Variants in USP53 observed in about 807,000 individuals in gnomAD.
The protein encoded by USP53 is ubiquitin specific peptidase 53, also known as ubiquitin carboxyl-terminal hydrolase 53.
A neutral mutation model predicts 94.9 loss-of-function variants in USP53; 71 were observed. The ratio of observed to expected loss-of-function variants is 0.75; its 90% CI spans 0.62 to 0.91. The LOEUF (loss-of-function observed/expected upper bound fraction) is 0.91, where lower values mean the gene tolerates loss of function less well. Ranked by LOEUF, USP53 falls within the 40% of genes least tolerant of loss-of-function variation. The pLI is 0.00. For missense variants in USP53, 1,173 were observed against 1,281.0 expected (o/e 0.92, Z 1.29); for synonymous variants, 375 against 422.7 (o/e 0.89, Z 1.39).
intron 17 of USP53, among the ~76,000 whole-genome samples, chr4:119,286,194 G>T (rs1380876452): frequency 6.6e-6 from 1 of 151,368 alleles, no homozygotes; most frequent in Non-Finnish European, 1.5e-5. Flanking sequence ...TCATTGATTT[G>T]ATTATTGCTG....
chr4:119,251,578 C>G (rs2149358444), intron 7 of USP53, among the ~76,000 whole-genome samples: 1 of 152,148 alleles, frequency 6.6e-6, no homozygotes, highest in Non-Finnish European at 1.5e-5. Flanking sequence ...TGTTTCTTGA[C>G]TTTTTAATGA....
intron 18 of USP53, among the ~76,000 whole-genome samples, chr4:119,291,702 A>C (rs1007967844): frequency 6.6e-6 from 1 of 152,164 alleles, no homozygotes; most frequent in African/African-American, 2.4e-5. Flanking sequence ...ACCTAAAGAT[A>C]ATCTTGATTA....
intron 3 of USP53, among the ~76,000 whole-genome samples, chr4:119,230,830 G>A (rs1203013976): frequency 1.3e-5 from 2 of 152,152 alleles, no homozygotes; most frequent in African/African-American, 2.4e-5. Flanking sequence ...AGAGTGAGGG[G>A]AACCTGTAGG....
intron 10 of USP53, 117 bp downstream of exon 10, chr4:119,260,042 T>A (rs997976439): frequency 1.1e-5 from 7 of 656,672 alleles, no homozygotes; most frequent in African/African-American, 9.4e-5. Flanking sequence ...TAAGAATTTT[T>A]AAAAAATATT....
chr4:119,222,155 A>G (rs1236777382), intron 3 of USP53, among the ~76,000 whole-genome samples: 4 of 152,212 alleles, frequency 2.6e-5, no homozygotes, highest in East Asian at 1.9e-4. Flanking sequence ...ATAGAATTGT[A>G]TCTTTTTTTA....
At position 119,292,688 on chromosome 4, in the gene USP53, T is replaced by C. The variant is rs1384784673; in HGVS notation, c.2699T>C (p.Ile900Thr). The change falls in exon 19 of 19, where the codon ATA (isoleucine) becomes ACA (threonine). Residue 900 changes from isoleucine (I) to threonine (T), a missense_variant. Ile to Thr is a moderately conservative substitution (Grantham distance 89). Transcript: ENST00000692078. ...YFENSLSTEC[I>T]IRSASRSDGC... Reference sequence around the variant, plus strand: ...GAGAACTCTCTATCCACAGAATGTATAATTCGGTCAGCCAGCAGATCTGAT... The same window carrying C: ...GAGAACTCTCTATCCACAGAATGTACAATTCGGTCAGCCAGCAGATCTGAT... 1 of 1,614,062 alleles carries C rather than the reference T, an allele frequency of 6.2e-7. No homozygotes were observed. Among genetic ancestry groups the C allele is most frequent in the African/African-American group, 1.3e-5 (1 of 75,036 alleles).
At chr4:119,226,110 A>T (rs1745218753) in intron 3 of USP53, among the ~76,000 whole-genome samples, 1 of 152,228 alleles carries the variant, frequency 6.6e-6, no homozygotes, top group South Asian at 2.1e-4. Flanking sequence ...AAATTTTGAC[A>T]AAATTCAACA....
At position 119,271,365 on chromosome 4, in the gene USP53, A is replaced by C; in HGVS notation, c.1505A>C (p.His502Pro). The part of the protein sequence containing the change: ...SPPAPNGFKQ[H>P]GNPHLYHSQG... ...CCTGCCCCAAATGGTTTTAAACAAC[A>C]TGGGAATCCACATCTATATCATAGT... Residue 502 changes from histidine (H) to proline (P), a missense_variant, in exon 16 of 19, where the codon CAT (histidine) becomes CCT (proline). By Grantham distance (77) the His-to-Pro change is moderately conservative. Transcript: ENST00000692078. 1 of 1,610,920 alleles carries C rather than the reference A, an allele frequency of 6.2e-7. No individual in the cohort carries two copies.
intron 3 of USP53, among the ~76,000 whole-genome samples, chr4:119,225,253 G>T (rs1315775042): frequency 3.3e-5 from 5 of 152,086 alleles, no homozygotes; most frequent in Admixed American, 1.3e-4. Context: ...AAGAAGAAAA[G>T]AAAACCTAAG....
intron 5 of USP53, among the ~76,000 whole-genome samples, chr4:119,244,485 G>A (rs977790147): frequency 1.3e-5 from 2 of 152,150 alleles, no homozygotes; most frequent in Non-Finnish European, 2.9e-5. Flanking sequence ...TTATTTGTTT[G>A]TTGTAATAGT....
At chr4:119,221,311 G>A (rs970351224) in intron 3 of USP53, 3 of 152,008 alleles carry the variant, frequency 2.0e-5, no homozygotes, top group Non-Finnish European at 4.4e-5. Context: ...GCTCATACCT[G>A]TAATATCAGC....
intron 15 of USP53, chr4:119,271,082 T>C (rs550784572): frequency 2.4e-6 from 1 of 408,572 alleles, no homozygotes; most frequent in South Asian, 1.0e-4. Flanking sequence ...ACCTTAGAGA[T>C]CATTTTTTGA....
At chr4:119,234,405 G>A (rs138835709) in intron 3 of USP53, among the ~76,000 whole-genome samples, 1 of 152,268 alleles carries the variant, frequency 6.6e-6, no homozygotes, top group Non-Finnish European at 1.5e-5. Context: ...AGGGAGGGAA[G>A]CAGGAATTTG....
chr4:119,265,668 C>CG (rs1410622742), intron 12 of USP53, among the ~76,000 whole-genome samples: 1 of 107,302 alleles, frequency 9.3e-6, no homozygotes, highest in Admixed American at 9.8e-5. Context: ...GACCTTTTCT[C>CG]AAAACAACAA....
At chr4:119,252,599 T>G (rs1052586707) in intron 7 of USP53, among the ~76,000 whole-genome samples, 2 of 152,192 alleles carry the variant, frequency 1.3e-5, no homozygotes, top group Admixed American at 1.3e-4. Context: ...GATTTTTTAT[T>G]GCATTTATTT....
At chr4:119,289,297 G>C (rs1254411926) in intron 17 of USP53, among the ~76,000 whole-genome samples, 1 of 152,154 alleles carries the variant, frequency 6.6e-6, no homozygotes, top group African/African-American at 2.4e-5. Flanking sequence ...TGGCAATGAA[G>C]AATACAATTA....
At chr4:119,273,925 G>A (rs1435958503) in intron 17 of USP53, among the ~76,000 whole-genome samples, 1 of 151,528 alleles carries the variant, frequency 6.6e-6, no homozygotes, top group Non-Finnish European at 1.5e-5. Context: ...GTATTGTATT[G>A]TCATACAAAA....
chr4:119,267,919 A>G (rs1037637121), intron 13 of USP53, among the ~76,000 whole-genome samples: 3 of 151,404 alleles, frequency 2.0e-5, no homozygotes, highest in Non-Finnish European at 2.9e-5. Flanking sequence ...TGTAATCCCA[A>G]TGCTTTGGGA....
chr4:119,226,320 G>C (rs1023458840), intron 3 of USP53, among the ~76,000 whole-genome samples: 17 of 152,154 alleles, frequency 1.1e-4, no homozygotes, highest in Admixed American at 9.8e-4. Flanking sequence ...TACCTACCCA[G>C]TTAAGTAGGG....
Sources: allele counts gnomAD v4.1 joint callset (sites outside exome capture counted in the v4.1 genomes callset), GRCh38; gene constraint gnomAD v4.1.1; transcripts MANE v1.5; gene names NCBI Gene and HGNC (gene_info 2026-07-23, HGNC 2026-07-21).